The following NDUFA10 variants were observed in gnomAD, a reference collection of about 807,000 sequenced individuals.
NDUFA10 encodes the protein NADH dehydrogenase [ubiquinone] 1 alpha subcomplex subunit 10, mitochondrial.
NDUFA10 carries 40 observed loss-of-function variants against 47.8 expected under a neutral mutation model. The ratio of observed to expected loss-of-function variants is 0.84; its 90% CI spans 0.65 to 1.09. The LOEUF (loss-of-function observed/expected upper bound fraction) is 1.09. NDUFA10 is among the 50% of genes least tolerant of loss of function. The pLI is 0.00. For missense variants in NDUFA10, 413 were observed against 451.1 expected, an observed-to-expected ratio of 0.92 and a Z score of 0.76; for synonymous variants, 183 against 172.2, an observed-to-expected ratio of 1.06 and a Z score of -0.49.
chr2:239,913,527 C>T (rs966253554), intron 4 of NDUFA10, among the ~76,000 whole-genome samples: 3 of 152,202 alleles, frequency 2.0e-5, no homozygotes, highest in African/African-American at 7.2e-5. Flanking sequence ...GACGCCTCCA[C>T]GTGATTCTCC....
chr2:239,952,752 G>A (rs1694578012), downstream of NDUFA10, among the ~76,000 whole-genome samples: 1 of 152,232 alleles, frequency 6.6e-6, no homozygotes, highest in Admixed American at 6.5e-5. Context: ...GCCTGGGCCT[G>A]GGCCAGGGCC....
At chr2:239,964,559 C>T (rs1048571864) in intron 9 of NDUFA10, among the ~76,000 whole-genome samples, 3 of 152,142 alleles carry the variant, frequency 2.0e-5, no homozygotes, top group African/African-American at 7.2e-5. Context: ...TACCGGGTCA[C>T]ATCTGTACAC....
intron 9 of NDUFA10, among the ~76,000 whole-genome samples, chr2:239,979,911 C>T (rs530898699): frequency 3.3e-5 from 5 of 152,226 alleles, no homozygotes; most frequent in African/African-American, 9.6e-5. Flanking sequence ...CTCACCATGA[C>T]GGGCTCTTCT....
At chr2:239,933,363 C>G (rs1694209407) in intron 4 of NDUFA10, among the ~76,000 whole-genome samples, 1 of 152,154 alleles carries the variant, frequency 6.6e-6, no homozygotes. Context: ...CTGGGGACAT[C>G]CCAGGCCACA....
intron 4 of NDUFA10, among the ~76,000 whole-genome samples, chr2:239,937,820 C>T (rs936409798): frequency 6.6e-6 from 1 of 152,166 alleles, no homozygotes; most frequent in African/African-American, 2.4e-5. Flanking sequence ...TCCTTGTCAA[C>T]GTTGGTTACC....
At chr2:239,941,248 A>G (rs1000501293) in intron 4 of NDUFA10, among the ~76,000 whole-genome samples, 17 of 152,222 alleles carry the variant, frequency 1.1e-4, no homozygotes, top group African/African-American at 4.1e-4. Context: ...TATGCAAACA[A>G]AAAGATCTCT....
chr2:239,918,929 T>C (rs1032635360), intron 4 of NDUFA10, among the ~76,000 whole-genome samples: 6 of 152,204 alleles, frequency 3.9e-5, no homozygotes, highest in African/African-American at 1.4e-4. Context: ...TCGTCCAGTG[T>C]CCATCTTCCC....
intron 9 of NDUFA10, among the ~76,000 whole-genome samples, chr2:239,966,134 G>C (rs1052765637): frequency 1.3e-5 from 2 of 152,216 alleles, no homozygotes; most frequent in African/African-American, 4.8e-5. Flanking sequence ...TGGCCCACCG[G>C]GAGTGTTCCA....
intron 4 of NDUFA10, among the ~76,000 whole-genome samples, chr2:239,920,052 T>C (rs1399488974): frequency 6.6e-6 from 1 of 152,122 alleles, no homozygotes; most frequent in African/African-American, 2.4e-5. Context: ...TTCCCCCCCA[T>C]TCATATGTTG....
At chr2:239,915,196 TACAG>T (rs1693836050) in intron 4 of NDUFA10, among the ~76,000 whole-genome samples, 1 of 105,822 alleles carries the variant, frequency 9.4e-6, no homozygotes, top group Non-Finnish European at 1.9e-5. Context: ...CACACACGTA[TACAG>T]ACACACAAAT....
At chr2:239,899,841 G>T (rs891081914) in intron 4 of NDUFA10, among the ~76,000 whole-genome samples, 2 of 148,334 alleles carry the variant, frequency 1.3e-5, no homozygotes, top group Non-Finnish European at 3.0e-5. Context: ...ACAGTCACCA[G>T]CCCAGAAAGC....
At chr2:239,949,794 G>T (rs1330779302) in intron 4 of NDUFA10, among the ~76,000 whole-genome samples, 5 of 152,176 alleles carry the variant, frequency 3.3e-5, no homozygotes, top group African/African-American at 7.2e-5. Context: ...GGCCTGTTGA[G>T]GTGGGACATT....
chr2:239,903,793 G>A (rs1693597152), intron 4 of NDUFA10, among the ~76,000 whole-genome samples: 1 of 152,132 alleles, frequency 6.6e-6, no homozygotes, highest in Non-Finnish European at 1.5e-5. Context: ...CTTTTTGTTG[G>A]CAGCTGCCGG....
At chr2:239,895,183 G>T in intron 5 of NDUFA10, 2 of 431,968 alleles carry the variant, frequency 4.6e-6, no homozygotes, top group Non-Finnish European at 9.7e-6. Context: ...TGCCTGCCAG[G>T]CCTCTGCCCC....
intron 4 of NDUFA10, among the ~76,000 whole-genome samples, chr2:239,902,483 C>T (rs1693570728): frequency 1.3e-5 from 2 of 152,178 alleles, no homozygotes; most frequent in African/African-American, 4.8e-5. Flanking sequence ...ACTGAATAGA[C>T]TATAGTACAG....
chr2:239,901,305 T>C (rs1693544794), intron 4 of NDUFA10, among the ~76,000 whole-genome samples: 1 of 152,202 alleles, frequency 6.6e-6, no homozygotes, highest in Non-Finnish European at 1.5e-5. Context: ...AGTTTGAGGC[T>C]GCAGTGAGCT....
chr2:239,901,623 T>C (rs987837069), intron 4 of NDUFA10, among the ~76,000 whole-genome samples: 35 of 151,952 alleles, frequency 2.3e-4, no homozygotes, highest in African/African-American at 8.5e-4. Flanking sequence ...GATCTGACTT[T>C]CAAGTTTCAT....
intron 4 of NDUFA10, among the ~76,000 whole-genome samples, chr2:239,902,842 G>T (rs1229491839): frequency 1.3e-5 from 2 of 152,280 alleles, no homozygotes; most frequent in East Asian, 3.9e-4. Context: ...GCCACTCTTT[G>T]GAAACAGCCA....
chr2:239,954,857 C>T (rs952794931), downstream of NDUFA10, among the ~76,000 whole-genome samples: 1 of 152,144 alleles, frequency 6.6e-6, no homozygotes, highest in Admixed American at 6.5e-5. Context: ...CGACACAGCC[C>T]GGAAGTGTGA....
Sources: allele counts gnomAD v4.1 joint callset (sites outside exome capture counted in the v4.1 genomes callset), GRCh38; gene constraint gnomAD v4.1.1; transcripts MANE v1.5; gene names NCBI Gene and HGNC (gene_info 2026-07-23, HGNC 2026-07-21).